The following IGF2 variants were observed in gnomAD, a reference collection of about 807,000 sequenced individuals.
The protein encoded by IGF2 is insulin like growth factor 2.
IGF2 carries 2 observed loss-of-function variants against 12.0 expected under a neutral mutation model. The observed-to-expected ratio is 0.17, with a 90% CI of 0.07 to 0.52. The LOEUF (loss-of-function observed/expected upper bound fraction) is 0.52, where lower values mean the gene tolerates loss of function less well. Among genes scored for constraint, IGF2 ranks in the 20% least tolerant of loss-of-function variants. The pLI, the probability that IGF2 is intolerant of heterozygous loss-of-function variation, is 0.95. For missense variants in IGF2, 211 were observed against 268.0 expected (o/e 0.79, Z 1.48); for synonymous variants, 105 against 110.1 (o/e 0.95, Z 0.29).
upstream of IGF2, among the ~76,000 whole-genome samples, chr11:2,141,907 G>C (rs559305268): frequency 6.6e-6 from 1 of 152,214 alleles, no homozygotes; most frequent in Admixed American, 6.5e-5. Flanking sequence ...GCTTATTTTT[G>C]GTAAATAAGA....
At chr11:2,138,072 G>GTCCTCC (rs559348953) in intron 1 of IGF2, among the ~76,000 whole-genome samples, 157 bp downstream of exon 1, 79 of 149,898 alleles carry the variant, frequency 5.3e-4, no homozygotes, top group Middle Eastern at 3.4e-3. Flanking sequence ...GCAGCCGTCC[G>GTCCTCC]TCCTCCTCCT....
upstream of IGF2, among the ~76,000 whole-genome samples, chr11:2,145,104 C>T (rs1859837530): frequency 1.3e-5 from 2 of 152,186 alleles, no homozygotes; most frequent in Non-Finnish European, 2.9e-5. Flanking sequence ...CAATCACCCC[C>T]ATGTCCCATT....
chr11:2,134,810 C>T (rs143554821), intron 2 of IGF2, among the ~76,000 whole-genome samples: 7 of 152,294 alleles, frequency 4.6e-5, no homozygotes, highest in Middle Eastern at 3.4e-3. Context: ...AAGGCTGAAG[C>T]GTCCTTGAGG....
intron 2 of IGF2, chr11:2,134,271 A>G (rs1454755022): frequency 2.9e-5 from 12 of 409,354 alleles, no homozygotes; most frequent in Non-Finnish European, 5.9e-5. Flanking sequence ...TTGGGGTGCC[A>G]AAGGGCAGGT....
the IGF2 span, chr11:2,146,578 G>A: frequency 2.7e-6 from 1 of 365,290 alleles, no homozygotes. Context: ...AGGGCCCTGG[G>A]AGAGGGGTTC....
At chr11:2,134,383 C>T (rs1314715752) in intron 2 of IGF2, among the ~76,000 whole-genome samples, 1 of 152,246 alleles carries the variant, frequency 6.6e-6, no homozygotes, top group Non-Finnish European at 1.5e-5. Context: ...AGGGAAGCTT[C>T]TCCCTGGGCA....
At position 2,131,463 on chromosome 11, in the gene IGF2, T is replaced by C; in HGVS notation, c.*1524A>G. On this transcript the variant is annotated 3_prime_UTR_variant, in exon 4 of 4. Coordinates refer to ENST00000416167, the MANE Select transcript of IGF2 (RefSeq NM_000612.6). The stretch of plus-strand genomic sequence containing the variant: ...GCATGTGTGTGTGCAGGTGGGTGCT[T>C]GCGTGTGCAACGTGTGTGCTGCGTG... 1 of 232,248 alleles carries C rather than the reference T, an allele frequency of 4.3e-6. No individual in the cohort carries two copies. Among genetic ancestry groups the C allele is most frequent in the East Asian group, 6.1e-5 (1 of 16,512 alleles). 14.4% of individuals were successfully genotyped at this position (232,248 alleles called of 1,614,324 possible).
In IGF2 at chr11:2,131,883, C is replaced by G. The variant is rs199625419; in HGVS notation, c.*1104G>C. ...GTGCTGTGTGTGCGTGTGTGCTGTG[C>G]GTTTGTGTGTGCTGTGCGTTTGTGT... On this transcript the variant is annotated 3_prime_UTR_variant, in exon 4 of 4. Transcript: ENST00000416167. 3 of 64,640 alleles carry G rather than the reference C, an allele frequency of 4.6e-5. No individual in the cohort carries two copies. The highest frequency in any genetic ancestry group is 2.1e-4 in the Admixed American group (1 of 4,662). The allele number at this position is 64,640 out of a possible 1,614,324, so 4.0% of individuals were successfully genotyped here.
chr11:2,147,758 G>A, the IGF2 span: 9 of 1,248,854 alleles, frequency 7.2e-6, no homozygotes, highest in Non-Finnish European at 9.1e-6. This position sits in a 1 kb window ranked among gnomAD's most constrained non-coding sequence, Gnocchi z 7.2. Context: ...TGGGGCTGGG[G>A]GCTGGAATCC....
chr11:2,140,200 G>A (rs200441006), upstream of IGF2: 1,774 of 1,613,414 alleles, frequency 1.1e-3, 3 homozygotes, highest in South Asian at 1.3e-3. Flanking sequence ...CAAAATATCT[G>A]GATAATGGTT....
chr11:2,147,502 C>T, the IGF2 span: 135 of 682,294 alleles, frequency 2.0e-4, no homozygotes, highest in African/African-American at 2.2e-3. This position sits in a 1 kb window ranked among gnomAD's most constrained non-coding sequence, Gnocchi z 7.2. Flanking sequence ...GATCCCAGTT[C>T]GAAGACTCCC....
At position 2,138,732 on chromosome 11, in the gene IGF2, TGGG is replaced by T; in HGVS notation, c.-513_-511del. 1 of 73,050 alleles carries T rather than the reference TGGG, an allele frequency of 1.4e-5. No individual in the cohort carries two copies. Among genetic ancestry groups the T allele is most frequent in the Non-Finnish European group, 1.7e-5 (1 of 60,040 alleles). The allele number at this position is 73,050 out of a possible 1,614,324, so 4.5% of individuals were successfully genotyped here. ...GGGGAGGGAGTCGGAGGCTAGGAGC[TGGG>T]GGGGACGGGAGGGAGCGAAGGGAAG... On this transcript the variant is annotated 5_prime_UTR_variant, in exon 1 of 4. Coordinates refer to ENST00000416167, the MANE Select transcript of IGF2 (RefSeq NM_000612.6).
the IGF2 span, chr11:2,148,678 T>C: frequency 0.35 from 62,673 of 177,588 alleles, 11,460 homozygotes; most frequent in African/African-American, 0.39. The surrounding 1 kb of genome is among the most constrained non-coding windows in gnomAD (Gnocchi z 4.3). Context: ...CTCGGGCCCC[T>C]GGCTCCTCTG....
the IGF2 span, chr11:2,146,441 G>A: frequency 1.9e-6 from 1 of 531,776 alleles, no homozygotes; most frequent in Non-Finnish European, 3.9e-6. Context: ...GCCGGCCTGG[G>A]AAGTAGGACT....
upstream of IGF2, among the ~76,000 whole-genome samples, chr11:2,141,572 A>G (rs1171264646): frequency 6.6e-6 from 1 of 152,202 alleles, no homozygotes; most frequent in African/African-American, 2.4e-5. Flanking sequence ...ATATTACGTA[A>G]AATTGGCAGA....
At position 2,131,308 on chromosome 11, in the gene IGF2, G is replaced by A. The variant is rs940831512; in HGVS notation, c.*1679C>T. 4.3e-6 allele frequency: 1 copy of A among 233,402 alleles called. No individual in the cohort carries two copies. The highest frequency in any genetic ancestry group is 6.0e-5 in the East Asian group (1 of 16,590). The allele number at this position is 233,402 out of a possible 1,614,324, so 14.5% of individuals were successfully genotyped here. On this transcript the variant is annotated 3_prime_UTR_variant, in exon 4 of 4. Transcript: ENST00000416167. ...CGAGGGGCAGTGGAGATGGGAACAGGAGCGGGGCTCAGACCATGAAAACAT... is the reference window on the plus strand; with the variant it reads ...CGAGGGGCAGTGGAGATGGGAACAGAAGCGGGGCTCAGACCATGAAAACAT...
At chr11:2,146,685 T>C in the IGF2 span, 1 of 287,966 alleles carries the variant, frequency 3.5e-6, no homozygotes, top group South Asian at 3.0e-5. Context: ...CACTCCCGGC[T>C]TCTATCTGGG....
rs910087448 is a variant in IGF2 at position 2,129,541 on chromosome 11, G to A, written c.*3446C>T. ...ACACTGGGTGGGTGGGTGTCCTGAC[G>A]AATGGGCAGGTAATTTGGGGTGCCT... On this transcript the variant is annotated 3_prime_UTR_variant, in exon 4 of 4. Transcript: ENST00000416167. This position sits in a 1 kb window ranked among gnomAD's most constrained non-coding sequence, Gnocchi z 8.1. The A allele has an allele frequency of 9.7e-5, 22 of 227,940 alleles. No homozygotes were observed. The highest frequency in any genetic ancestry group is 4.0e-4 in the African/African-American group (18 of 44,996). 14.1% of individuals were successfully genotyped at this position (227,940 alleles called of 1,614,324 possible).
In IGF2 at chr11:2,138,731, C is replaced by T; in HGVS notation, c.-509G>A. 1 of 417,098 alleles carries T rather than the reference C, an allele frequency of 2.4e-6. No individual in the cohort carries two copies. Among genetic ancestry groups the T allele is most frequent in the Non-Finnish European group, 2.8e-6 (1 of 359,616 alleles). The allele number at this position is 417,098 out of a possible 1,614,324, so 25.8% of individuals were successfully genotyped here. On this transcript the variant is annotated 5_prime_UTR_variant, in exon 1 of 4. Transcript: ENST00000416167. ...GGGGGAGGGAGTCGGAGGCTAGGAG[C>T]TGGGGGGGACGGGAGGGAGCGAAGG...
Sources: gnomAD v4.1 joint callset for allele counts (sites outside exome capture counted in the v4.1 genomes callset) on GRCh38, gnomAD v4.1.1 for gene constraint, Gnocchi (gnomAD v3.1) non-coding constraint, MANE v1.5 for transcripts, NCBI Gene and HGNC (gene_info 2026-07-23, HGNC 2026-07-21) for gene names.